RBFOX1: variants seen among roughly 807,000 people sequenced by gnomAD.
RBFOX1 encodes RNA binding protein fox-1 homolog 1.
Under a neutral mutation model 57.7 loss-of-function variants are expected in RBFOX1, and 8 were observed. The ratio of observed to expected loss-of-function variants is 0.14; its 90% CI spans 0.08 to 0.25. The LOEUF is 0.25. Ranked by LOEUF, RBFOX1 falls within the 10% of genes least tolerant of loss-of-function variation. The pLI is 1.00. For missense variants in RBFOX1, 611 were observed against 548.5 expected (o/e 1.11, Z -1.14); for synonymous variants, 326 against 222.4 (o/e 1.47, Z -4.15).
rs544914027 is a variant in RBFOX1 at position 6,106,617 on chromosome 16, T to C, written c.-127+86625T>C. Among the ~76,000 whole-genome samples the C allele has an allele frequency of 4.7e-4, 72 of 152,290 alleles. 2 individuals carry two copies. In the South Asian group the frequency reaches 0.015, roughly 31 times the overall value. ...AAAGTCTCTTCATTGCCAAGGGGTA[T>C]GGTCCATCTCTTATGGAAGTATGCA... On this transcript the variant is annotated intron_variant, in intron 1 of 15. Coordinates refer to ENST00000550418, the MANE Select transcript of RBFOX1 (RefSeq NM_018723.4).
At chr16:5,784,810 G>A (rs750454096) in intron 3 of RBFOX1, among the ~76,000 whole-genome samples, 48 of 152,204 alleles carry the variant, frequency 3.2e-4, no homozygotes, top group Non-Finnish European at 4.7e-4. Context: ...AGGACATGGC[G>A]CATAGACACC....
intron 3 of RBFOX1, among the ~76,000 whole-genome samples, chr16:5,718,497 G>T (rs114080426): frequency 1.3e-5 from 2 of 152,366 alleles, no homozygotes; most frequent in South Asian, 2.1e-4. Flanking sequence ...CTCCATGAAG[G>T]CTGGGCTATT....
chr16:6,617,139 A>G (rs1217533899), intron 2 of RBFOX1, among the ~76,000 whole-genome samples: 2 of 152,056 alleles, frequency 1.3e-5, no homozygotes, highest in African/African-American at 4.8e-5. Context: ...TAAGTGGTAC[A>G]AGGAGAGGTC....
At chr16:5,246,165 C>T (rs1031983471) in intron 1 of RBFOX1, among the ~76,000 whole-genome samples, 36 of 152,178 alleles carry the variant, frequency 2.4e-4, no homozygotes, top group Non-Finnish European at 7.3e-5. Context: ...TCATTTGAAC[C>T]TGGGAGACAG....
intron 3 of RBFOX1, among the ~76,000 whole-genome samples, chr16:6,731,963 C>G (rs2068725194): frequency 6.6e-6 from 1 of 152,120 alleles, no homozygotes; most frequent in Non-Finnish European, 1.5e-5. Flanking sequence ...TTAGCTGAGC[C>G]TACTAAAACC....
intron 2 of RBFOX1, among the ~76,000 whole-genome samples, chr16:6,384,460 C>T (rs1596405483): frequency 6.6e-6 from 1 of 152,046 alleles, no homozygotes; most frequent in African/African-American, 2.4e-5. Context: ...ATTTTTTTTC[C>T]CTCCCAGAAG....
At chr16:6,748,553 C>G (rs932153895) in intron 3 of RBFOX1, among the ~76,000 whole-genome samples, 3 of 152,102 alleles carry the variant, frequency 2.0e-5, no homozygotes, top group African/African-American at 7.2e-5. Flanking sequence ...GTAGTCCCAG[C>G]TTGGGAGGCT....
chr16:7,452,010 G>A (rs1463456951), intron 4 of RBFOX1, among the ~76,000 whole-genome samples: 2 of 152,152 alleles, frequency 1.3e-5, no homozygotes, highest in African/African-American at 4.8e-5. Flanking sequence ...CGACCAAAGA[G>A]AAAGATTCTT....
intron 1 of RBFOX1, among the ~76,000 whole-genome samples, chr16:5,400,234 G>C (rs1272205895): frequency 1.3e-5 from 2 of 152,012 alleles, no homozygotes; most frequent in African/African-American, 2.4e-5. Context: ...TGGGATTACA[G>C]GTGCTTGCCA....
chr16:7,591,743 G>A (rs2094452370), intron 7 of RBFOX1, among the ~76,000 whole-genome samples: 1 of 152,134 alleles, frequency 6.6e-6, no homozygotes, highest in African/African-American at 2.4e-5. Flanking sequence ...ATCACACCCA[G>A]CCCTTTGCCG....
At chr16:6,559,956 C>T (rs572416385) in intron 2 of RBFOX1, among the ~76,000 whole-genome samples, 3 of 152,146 alleles carry the variant, frequency 2.0e-5, no homozygotes, top group Admixed American at 1.3e-4. Context: ...TGATGTTTTC[C>T]AACCCACATG....
At chr16:6,635,673 T>G (rs968408585) in intron 2 of RBFOX1, among the ~76,000 whole-genome samples, 3 of 152,152 alleles carry the variant, frequency 2.0e-5, no homozygotes, top group Admixed American at 2.0e-4. Context: ...GTAAATCCAA[T>G]GAGTCTTACG....
chr16:6,661,478 G>A (rs1382670186), intron 3 of RBFOX1, among the ~76,000 whole-genome samples: 2 of 152,202 alleles, frequency 1.3e-5, no homozygotes, highest in Non-Finnish European at 2.9e-5. Flanking sequence ...TCAGGCCAAT[G>A]CATTAGGGTT....
At chr16:5,755,094 G>A (rs2053346155) in intron 3 of RBFOX1, among the ~76,000 whole-genome samples, 3 of 72,040 alleles carry the variant, frequency 4.2e-5, no homozygotes, top group African/African-American at 5.7e-5. Context: ...CTTGAGATTA[G>A]GGAGTGGTGA....
intron 2 of RBFOX1, among the ~76,000 whole-genome samples, chr16:6,423,809 A>T (rs1288012868): frequency 6.6e-6 from 1 of 152,100 alleles, no homozygotes; most frequent in Non-Finnish European, 1.5e-5. Flanking sequence ...CATGGTCCAG[A>T]GGGAATCAGA....
rs928110846 is a variant in RBFOX1, at chr16:6,497,081, T to C, written c.-63-157522T>C. ...ACCTCTTAGGTAGCATAAGAAGTCA[T>C]TGTCTCCATTTTACAGATGAGGGAG... is the stretch of plus-strand genomic sequence containing the variant. On this transcript the variant is annotated intron_variant, in intron 2 of 15. Coordinates refer to ENST00000550418, the MANE Select transcript of RBFOX1 (RefSeq NM_018723.4). Among the ~76,000 whole-genome samples the C allele has an allele frequency of 3.9e-5, 6 of 152,230 alleles. No individual in the cohort carries two copies. In the South Asian group the frequency reaches 6.2e-4, roughly 16 times the overall value.
At chr16:7,567,750 C>T (rs1219155942) in intron 5 of RBFOX1, among the ~76,000 whole-genome samples, 2 of 128,032 alleles carry the variant, frequency 1.6e-5, no homozygotes. Context: ...TATATATATC[C>T]ATATAACCCT....
At chr16:5,966,705 A>G (rs1023166944) in intron 4 of RBFOX1, among the ~76,000 whole-genome samples, 2 of 152,156 alleles carry the variant, frequency 1.3e-5, no homozygotes, top group East Asian at 3.9e-4. Flanking sequence ...TGAGAACAGT[A>G]CCAAGAGGAT....
Position 7,672,880 on chromosome 16 carries a change from A to AAAAAAAAAAAAAAAAAAT in RBFOX1, c.931-3886_931-3885insAAAAAAAAATAAAAAAAA. 1.3e-5 allele frequency among the ~76,000 whole-genome samples: 2 copies of AAAAAAAAAAAAAAAAAAT among 149,732 alleles called. 1 individual carries two copies. The highest frequency in any genetic ancestry group is 3.0e-5 in the Non-Finnish European group (2 of 67,502). ...GACTCCATCTCAAAAAAAAAAAAAA[A>AAAAAAAAAAAAAAAAAAT]AAAAAAAAGAACATATAGATAAATT... On this transcript the variant is annotated intron_variant, in intron 13 of 15. Coordinates refer to ENST00000550418, the MANE Select transcript of RBFOX1 (RefSeq NM_018723.4).
Sources: gnomAD v4.1 joint callset for allele counts (sites outside exome capture counted in the v4.1 genomes callset) on GRCh38, gnomAD v4.1.1 for gene constraint, MANE v1.5 for transcripts, NCBI Gene and HGNC (gene_info 2026-07-23, HGNC 2026-07-21) for gene names.